The following POLR3A variants were observed in gnomAD, a reference collection of about 807,000 sequenced individuals.
POLR3A encodes the protein RNA polymerase III subunit A.
A neutral mutation model predicts 152.8 loss-of-function variants in POLR3A; 112 were observed. The observed-to-expected ratio is 0.73, with a 90% CI of 0.63 to 0.86. POLR3A has a LOEUF of 0.86. POLR3A is among the 40% of genes least tolerant of loss of function. POLR3A has a pLI of 0.00. For synonymous variants in POLR3A, 615 were observed against 652.1 expected, an observed-to-expected ratio of 0.94 and a Z score of 0.87; for missense variants, 1,385 against 1,743.1, an observed-to-expected ratio of 0.79 and a Z score of 3.66.
At chr10:77,989,561 C>T (rs556068721) in intron 21 of POLR3A, among the ~76,000 whole-genome samples, 6 of 152,180 alleles carry the variant, frequency 3.9e-5, no homozygotes, top group Non-Finnish European at 7.4e-5. Flanking sequence ...CAAATGCTGC[C>T]GGGTAGGAGG....
At chr10:77,989,765 A>G (rs1411629696) in intron 21 of POLR3A, among the ~76,000 whole-genome samples, 2 of 152,172 alleles carry the variant, frequency 1.3e-5, no homozygotes, top group Non-Finnish European at 2.9e-5. Context: ...AACCTGTCTC[A>G]GTTAAGGTCT....
At chr10:77,998,364 G>A (rs991348483) in intron 19 of POLR3A, among the ~76,000 whole-genome samples, 13 of 152,020 alleles carry the variant, frequency 8.6e-5, no homozygotes, top group Non-Finnish European at 1.6e-4. Flanking sequence ...GAGTGAACAG[G>A]CAACCTACAG....
chr10:77,998,008 A>T (rs1589308811), intron 19 of POLR3A, among the ~76,000 whole-genome samples: 1 of 152,192 alleles, frequency 6.6e-6, no homozygotes, highest in East Asian at 1.9e-4. Context: ...GCATATCTAC[A>T]ACTATCTGAT....
rs1264585105 is a variant in POLR3A, at chr10:78,000,069, G to A, written c.2528C>T (p.Thr843Ile). Residue 843 changes from threonine (T) to isoleucine (I), a missense_variant, in exon 19 of 31, where the codon ACA becomes ATA. Physicochemically the swap from Thr to Ile is moderately conservative, Grantham distance 89 (BLOSUM62 -1). This residue lies in a region of POLR3A where 170 missense variants were observed against 231.2 expected (regional missense o/e 0.74). Coordinates refer to ENST00000372371, the MANE Select transcript of POLR3A (RefSeq NM_007055.4). Reference sequence around the variant, plus strand: ...TGTGTGGAAGAAAAACTCAGTTGGTGTCAAACCGGAATAAAAGCTATTAGC... The same window carrying A: ...TGTGTGGAAGAAAAACTCAGTTGGTATCAAACCGGAATAAAAGCTATTAGC... ...FVANSFYSGL[T>I]PTEFFFHTMA... The A allele has an allele frequency of 6.2e-7, 1 of 1,614,008 alleles. No individual in the cohort carries two copies. The highest frequency in any genetic ancestry group is 8.5e-7 in the Non-Finnish European group (1 of 1,179,898).
intron 1 of POLR3A, among the ~76,000 whole-genome samples, chr10:78,028,970 C>T (rs1406443045): frequency 6.6e-6 from 1 of 152,148 alleles, no homozygotes; most frequent in Non-Finnish European, 1.5e-5. Flanking sequence ...CTACTGCCTC[C>T]GTGTCAGACG....
At chr10:77,993,099 A>C in intron 20 of POLR3A, 98 bp downstream of exon 20, 1 of 887,052 alleles carries the variant, frequency 1.1e-6, no homozygotes, top group Non-Finnish European at 1.9e-6. Context: ...TAAATACTGA[A>C]GTATTTATTA....
rs1589321117 is a variant in POLR3A, at chr10:78,029,466, C to G, written c.-59G>C. On this transcript the variant is annotated 5_prime_UTR_variant, in exon 1 of 31. Coordinates refer to ENST00000372371, the MANE Select transcript of POLR3A (RefSeq NM_007055.4). ...GGGAGGCCAGATTAGAGAAACGATGCCCCCAGCACCTCCTGGGGCTGCTTC... is the reference window on the plus strand; with the variant it reads ...GGGAGGCCAGATTAGAGAAACGATGGCCCCAGCACCTCCTGGGGCTGCTTC... The G allele has an allele frequency of 1.0e-5, 16 of 1,562,002 alleles. No homozygotes were observed. Among genetic ancestry groups the G allele is most frequent in the Non-Finnish European group, 1.3e-5 (15 of 1,134,048 alleles).
intron 19 of POLR3A, among the ~76,000 whole-genome samples, chr10:77,995,429 A>G (rs1847290129): frequency 6.6e-6 from 1 of 152,228 alleles, no homozygotes; most frequent in South Asian, 2.1e-4. Flanking sequence ...TCACGTGCAG[A>G]GACACACATA....
At chr10:77,983,259 A>G (rs1445232617) in intron 26 of POLR3A, among the ~76,000 whole-genome samples, 1 of 152,220 alleles carries the variant, frequency 6.6e-6, no homozygotes, top group Non-Finnish European at 1.5e-5. Flanking sequence ...GAGACAGGCT[A>G]GAGAAATCCC....
intron 11 of POLR3A, chr10:78,013,406 C>T (rs1564621036): frequency 5.8e-6 from 3 of 514,730 alleles, no homozygotes; most frequent in South Asian, 4.3e-5. Context: ...GCCAGAAAAT[C>T]CCCTCAACGC....
Position 78,024,553 on chromosome 10 carries a change from GC to G in POLR3A, c.640del (p.Ala214HisfsTer5). The G allele has an allele frequency of 6.2e-7, 1 of 1,613,244 alleles. No individual in the cohort carries two copies. Among genetic ancestry groups the G allele is most frequent in the Non-Finnish European group, 8.5e-7 (1 of 1,179,950 alleles). ...GGCGTGCATTCTCAGGCTCACCTGT[GC>G]CCTTCCCAGCAGAGGCTCCACTTCT... Reference protein sequence around the residue: ...NKEVEPLLGRAQENLNPLVVL... With the variant: ...NKEVEPLLGRXQENLNPLVVL... On this transcript the variant is annotated frameshift_variant, in exon 5 of 31. Transcript: ENST00000372371. LOFTEE classifies it high-confidence loss of function.
chr10:78,022,103 T>C (rs1404838045), intron 6 of POLR3A, 42 bp downstream of exon 6: 1 of 1,614,072 alleles, frequency 6.2e-7, no homozygotes, highest in Non-Finnish European at 8.5e-7. Context: ...AGTTTTTGGA[T>C]AGATATACTA....
chr10:77,979,677 G>T (rs1847121679), intron 30 of POLR3A, among the ~76,000 whole-genome samples: 1 of 152,164 alleles, frequency 6.6e-6, no homozygotes, highest in African/African-American at 2.4e-5. Flanking sequence ...CCCACGGGTG[G>T]GTAGAGATAC....
chr10:78,007,594 G>T (rs1458996057), intron 15 of POLR3A, 108 bp downstream of exon 15: 7 of 881,680 alleles, frequency 7.9e-6, no homozygotes, highest in Non-Finnish European at 9.5e-6. Context: ...TTTTCTGTAT[G>T]TATATGTGTG....
Position 77,977,225 on chromosome 10 carries a change from T to G in POLR3A, c.*253A>C. Reference sequence around the variant, plus strand: ...TGTGCACGAGCTGTGGGGCCGTCTATAGATTAGGTTTCAAGCAAGCAAACA... The same window carrying G: ...TGTGCACGAGCTGTGGGGCCGTCTAGAGATTAGGTTTCAAGCAAGCAAACA... On this transcript the variant is annotated 3_prime_UTR_variant, in exon 31 of 31. Coordinates refer to ENST00000372371, the MANE Select transcript of POLR3A (RefSeq NM_007055.4). The G allele has an allele frequency of 4.1e-6, 2 of 489,374 alleles. No homozygotes were observed. Among genetic ancestry groups the G allele is most frequent in the Non-Finnish European group, 3.7e-6 (1 of 268,380 alleles). The allele number at this position is 489,374 out of a possible 1,614,324, so 30.3% of individuals were successfully genotyped here.
At position 78,013,697 on chromosome 10, in the gene POLR3A, G is replaced by C. The variant is rs752607277; in HGVS notation, c.1525C>G (p.Leu509Val). Residue 509 changes from leucine to valine, a missense_variant, in exon 11 of 31, where the codon CTT (leucine) becomes GTT (valine). By Grantham distance (32) the Leu-to-Val change is conservative. Coordinates refer to ENST00000372371, the MANE Select transcript of POLR3A (RefSeq NM_007055.4). ...DFDGDEMNLH[L>V]PQTEEAKAEA... The stretch of plus-strand genomic sequence containing the variant: ...GCTTTAGCTTCTTCTGTTTGAGGAA[G>C]ATGAAGGTTCATTTCATCACCATCA... 7 of 1,614,120 alleles carry C rather than the reference G, an allele frequency of 4.3e-6. No homozygotes were observed. The highest frequency in any genetic ancestry group is 4.2e-6 in the Non-Finnish European group (5 of 1,180,018).
intron 5 of POLR3A, among the ~76,000 whole-genome samples, chr10:78,023,100 G>C (rs1416764235): frequency 6.6e-6 from 1 of 151,798 alleles, no homozygotes; most frequent in Non-Finnish European, 1.5e-5. Context: ...AGAGGTTGCC[G>C]TGAGCCGATA....
intron 26 of POLR3A, among the ~76,000 whole-genome samples, chr10:77,983,337 G>C (rs1246114640): frequency 6.6e-6 from 1 of 152,236 alleles, no homozygotes; most frequent in Admixed American, 6.5e-5. Context: ...CTTGATGCGT[G>C]AGAGAACGAG....
At chr10:78,005,391 G>A (rs1421085970) in intron 15 of POLR3A, among the ~76,000 whole-genome samples, 1 of 152,212 alleles carries the variant, frequency 6.6e-6, no homozygotes, top group Non-Finnish European at 1.5e-5. Flanking sequence ...AGGTTGCAAT[G>A]AGCCATAATC....
Sources: allele counts gnomAD v4.1 joint callset (sites outside exome capture counted in the v4.1 genomes callset), GRCh38; gene constraint gnomAD v4.1.1; regional missense constraint gnomAD v4.1.1; transcripts MANE v1.5; gene names NCBI Gene and HGNC (gene_info 2026-07-23, HGNC 2026-07-21).